GPM6A: variants seen among roughly 807,000 people sequenced by gnomAD.
GPM6A encodes the protein neuronal membrane glycoprotein M6-a.
A neutral mutation model predicts 32.1 loss-of-function variants in GPM6A; 7 were observed. That is an observed-to-expected ratio of 0.22 (90% CI 0.12 to 0.41). The LOEUF (loss-of-function observed/expected upper bound fraction) is 0.41, where lower values mean the gene tolerates loss of function less well. GPM6A is among the 10% of genes least tolerant of loss of function. GPM6A has a pLI of 1.00. For synonymous variants in GPM6A, 130 were observed against 123.4 expected (o/e 1.05, Z -0.35); for missense variants, 235 against 347.2 (o/e 0.68, Z 2.57).
intron 1 of GPM6A, among the ~76,000 whole-genome samples, chr4:175,860,090 AAAG>A (rs1736529012): frequency 6.6e-6 from 1 of 152,014 alleles, no homozygotes; most frequent in Admixed American, 6.6e-5. Flanking sequence ...ATATATTAAA[AAAG>A]AAGAAAGATC....
At chr4:175,892,077 A>G (rs961148241) in intron 1 of GPM6A, among the ~76,000 whole-genome samples, 1 of 152,198 alleles carries the variant, frequency 6.6e-6, no homozygotes, top group Non-Finnish European at 1.5e-5. Flanking sequence ...TAAAACTACT[A>G]TCAAGCATGT....
At chr4:175,754,310 C>A (rs1732446800) in intron 1 of GPM6A, among the ~76,000 whole-genome samples, 1 of 151,866 alleles carries the variant, frequency 6.6e-6, no homozygotes. Context: ...ATAACAAGAT[C>A]CTTGGTTTAA....
chr4:175,869,375 T>C (rs1257109441), intron 1 of GPM6A, among the ~76,000 whole-genome samples: 1 of 152,126 alleles, frequency 6.6e-6, no homozygotes. Context: ...ATTCTGTGTA[T>C]AGGACACACA....
intron 1 of GPM6A, among the ~76,000 whole-genome samples, chr4:175,856,674 T>A (rs1156488596): frequency 6.6e-6 from 1 of 152,168 alleles, no homozygotes; most frequent in Non-Finnish European, 1.5e-5. Flanking sequence ...AGAGGATTTT[T>A]ACTGAGCGAT....
At chr4:175,920,053 C>A (rs1286814922) in intron 1 of GPM6A, among the ~76,000 whole-genome samples, 2 of 152,240 alleles carry the variant, frequency 1.3e-5, no homozygotes, top group Non-Finnish European at 2.9e-5. Context: ...GGAAAGTAAC[C>A]TCTAAAGGTG....
chr4:175,917,748 A>G (rs1222533975), intron 1 of GPM6A, among the ~76,000 whole-genome samples: 1 of 152,186 alleles, frequency 6.6e-6, no homozygotes, highest in Non-Finnish European at 1.5e-5. Context: ...ACACATAAAA[A>G]GACAATGGAA....
chr4:175,858,542 A>G (rs1006288487), intron 1 of GPM6A, among the ~76,000 whole-genome samples: 1 of 152,100 alleles, frequency 6.6e-6, no homozygotes, highest in African/African-American at 2.4e-5. Context: ...AAAAAAAAAA[A>G]AAAGAAAAGC....
At chr4:175,819,741 A>G (rs532654389) in intron 1 of GPM6A, among the ~76,000 whole-genome samples, 2 of 152,358 alleles carry the variant, frequency 1.3e-5, no homozygotes, top group East Asian at 1.9e-4. Flanking sequence ...TTATGTAAGT[A>G]GTAGACCCAA....
intron 1 of GPM6A, among the ~76,000 whole-genome samples, chr4:175,716,297 G>C (rs1399115878): frequency 1.3e-5 from 2 of 152,130 alleles, no homozygotes; most frequent in African/African-American, 2.4e-5. Flanking sequence ...TTGGGATTAA[G>C]AATGAGAAAT....
At chr4:175,743,361 G>T (rs962716700) in intron 1 of GPM6A, among the ~76,000 whole-genome samples, 33 of 152,052 alleles carry the variant, frequency 2.2e-4, no homozygotes, top group African/African-American at 5.3e-4. Flanking sequence ...AATTCATTTT[G>T]TGATCTCTTG....
chr4:175,875,798 T>C (rs1579587641), intron 1 of GPM6A, among the ~76,000 whole-genome samples: 1 of 152,268 alleles, frequency 6.6e-6, no homozygotes, highest in Non-Finnish European at 1.5e-5. Flanking sequence ...CTTAAATTCT[T>C]TTAAGAACAG....
At chr4:175,729,653 C>A (rs1358431019) in intron 1 of GPM6A, among the ~76,000 whole-genome samples, 1 of 151,540 alleles carries the variant, frequency 6.6e-6, no homozygotes, top group East Asian at 1.9e-4. Flanking sequence ...ACCCTACTTA[C>A]TTGATGTGAT....
chr4:175,774,448 G>A (rs1026305154), intron 1 of GPM6A, among the ~76,000 whole-genome samples: 25 of 151,750 alleles, frequency 1.6e-4, no homozygotes, highest in Non-Finnish European at 7.4e-5. Flanking sequence ...TAATACTAAC[G>A]TTGAAGTATG....
chr4:175,855,163 C>A (rs896812457), intron 1 of GPM6A, among the ~76,000 whole-genome samples: 1 of 152,016 alleles, frequency 6.6e-6, no homozygotes, highest in Admixed American at 6.6e-5. Flanking sequence ...AGCAGGCAAT[C>A]AAAAATTACT....
intron 1 of GPM6A, among the ~76,000 whole-genome samples, chr4:175,804,069 G>A (rs7673823): frequency 0.12 from 18,038 of 151,812 alleles, 1,658 homozygotes; most frequent in African/African-American, 0.26. Context: ...ATTTAAAACA[G>A]AGATTCTCAA....
In GPM6A at chr4:175,667,490, G is replaced by A. The variant is rs186196122; in HGVS notation, c.387+6190C>T. 2.5e-3 allele frequency among the ~76,000 whole-genome samples: 384 copies of A among 152,172 alleles called. 4 individuals carry two copies. Among genetic ancestry groups the A allele is most frequent in the African/African-American group, 8.9e-3 (368 of 41,526 alleles). On this transcript the variant is annotated intron_variant, in intron 3 of 6. Coordinates refer to ENST00000393658, the MANE Select transcript of GPM6A (RefSeq NM_201591.3). The stretch of plus-strand genomic sequence containing the variant: ...ACAATTAAATGTAATATGGTATCCC[G>A]AATGGGATACTGAAACAGGAAAAGA...
chr4:175,744,976 T>A (rs1732040032), intron 1 of GPM6A, among the ~76,000 whole-genome samples: 1 of 152,140 alleles, frequency 6.6e-6, no homozygotes, highest in Non-Finnish European at 1.5e-5. Context: ...GTAAGCAATT[T>A]GCCAGGTGCT....
chr4:175,804,998 T>C (rs1040302922), intron 1 of GPM6A, among the ~76,000 whole-genome samples: 4 of 151,976 alleles, frequency 2.6e-5, no homozygotes, highest in African/African-American at 7.3e-5. Context: ...TGAGCCAAGA[T>C]AGCCCACTGC....
intron 3 of GPM6A, among the ~76,000 whole-genome samples, chr4:175,662,979 A>G (rs1742515326): frequency 6.6e-6 from 1 of 152,230 alleles, no homozygotes; most frequent in African/African-American, 2.4e-5. Context: ...TAAGTGACAG[A>G]GTAAAAAATA....
Sources: allele counts gnomAD v4.1 joint callset (sites outside exome capture counted in the v4.1 genomes callset), GRCh38; gene constraint gnomAD v4.1.1; transcripts MANE v1.5; gene names NCBI Gene and HGNC (gene_info 2026-07-23, HGNC 2026-07-21).